The following PTPRT variants were observed in gnomAD, a reference collection of about 807,000 sequenced individuals.
PTPRT encodes receptor-type tyrosine-protein phosphatase T.
Under a neutral mutation model 176.8 loss-of-function variants are expected in PTPRT, and 56 were observed. The observed-to-expected ratio is 0.32, with a 90% confidence interval of 0.26 to 0.40. PTPRT has a LOEUF of 0.40. Among genes scored for constraint, PTPRT ranks in the 10% least tolerant of loss-of-function variants. The pLI, the probability that PTPRT is intolerant of heterozygous loss-of-function variation, is 1.00. For synonymous variants in PTPRT, 783 were observed against 739.0 expected (o/e 1.06, Z -0.96); for missense variants, 1,540 against 1,908.2 (o/e 0.81, Z 3.60).
intron 11 of PTPRT, among the ~76,000 whole-genome samples, chr20:42,347,903 T>C (rs545552097): frequency 2.9e-4 from 44 of 152,338 alleles, no homozygotes; most frequent in Non-Finnish European, 5.7e-4. Context: ...TTTCATGATT[T>C]TGTTTGTTTG....
intron 2 of PTPRT, among the ~76,000 whole-genome samples, chr20:42,800,921 T>G (rs1415047782): frequency 1.3e-5 from 2 of 152,096 alleles, no homozygotes; most frequent in Non-Finnish European, 2.9e-5. Flanking sequence ...GGCTTTTATC[T>G]CCCTTACCAC....
chr20:42,713,628 T>C (rs572972475), intron 6 of PTPRT, among the ~76,000 whole-genome samples: 55 of 152,354 alleles, frequency 3.6e-4, no homozygotes, highest in Middle Eastern at 3.4e-3. Context: ...AGACATGTGA[T>C]ACAGTTTGGA....
chr20:42,066,288 C>T, the PTPRT span, among the ~76,000 whole-genome samples: 4 of 151,988 alleles, frequency 2.6e-5, no homozygotes, highest in South Asian at 2.1e-4. Context: ...GTGATCTGCC[C>T]GCCTCAGCCT....
At chr20:43,007,764 G>C (rs1001307762) in intron 1 of PTPRT, among the ~76,000 whole-genome samples, 3 of 152,184 alleles carry the variant, frequency 2.0e-5, no homozygotes, top group African/African-American at 7.2e-5. Flanking sequence ...CCCTGGCCCA[G>C]TTTGAAAAGT....
At chr20:43,085,928 T>G (rs2146297020) in intron 1 of PTPRT, among the ~76,000 whole-genome samples, 1 of 152,168 alleles carries the variant, frequency 6.6e-6, no homozygotes, top group Middle Eastern at 3.4e-3. Context: ...GAAGGGCTTG[T>G]AGGAGTTTGG....
At chr20:42,177,835 C>A (rs1990355864) in intron 16 of PTPRT, among the ~76,000 whole-genome samples, 1 of 151,954 alleles carries the variant, frequency 6.6e-6, no homozygotes, top group South Asian at 2.1e-4. Flanking sequence ...GTCTGTCTCC[C>A]TCCTTCTCTT....
chr20:42,361,673 G>A (rs1387982430), intron 9 of PTPRT, among the ~76,000 whole-genome samples: 1 of 152,134 alleles, frequency 6.6e-6, no homozygotes, highest in Non-Finnish European at 1.5e-5. Flanking sequence ...CCAGTCATCT[G>A]GGCAACAGAC....
intron 16 of PTPRT, among the ~76,000 whole-genome samples, chr20:42,195,027 G>T (rs1991152344): frequency 6.6e-6 from 1 of 152,092 alleles, no homozygotes; most frequent in Admixed American, 6.5e-5. Context: ...ATGGGGGAGG[G>T]ATAGCATTTG....
At chr20:42,107,701 CAAG>C (rs1218396240) in intron 23 of PTPRT, among the ~76,000 whole-genome samples, 1 of 152,232 alleles carries the variant, frequency 6.6e-6, no homozygotes, top group Non-Finnish European at 1.5e-5. Context: ...GGCAGCCTGT[CAAG>C]GAGGCCCCCT....
At chr20:42,676,995 G>T (rs2075516063) in intron 7 of PTPRT, among the ~76,000 whole-genome samples, 1 of 152,154 alleles carries the variant, frequency 6.6e-6, no homozygotes, top group Admixed American at 6.5e-5. Context: ...ATATCAGAGA[G>T]ACAGGTGTAG....
the PTPRT span, among the ~76,000 whole-genome samples, chr20:42,066,982 G>C: frequency 6.6e-6 from 1 of 152,066 alleles, no homozygotes; most frequent in Non-Finnish European, 1.5e-5. Context: ...GCAGAGACCT[G>C]ATTTCACAGG....
intron 1 of PTPRT, among the ~76,000 whole-genome samples, chr20:43,129,062 CTTG>C (rs2013554437): frequency 6.6e-6 from 1 of 152,188 alleles, no homozygotes. Flanking sequence ...TGCTTGTTTT[CTTG>C]TTGTATTCAC....
At chr20:42,335,056 G>C (rs1293158283) in intron 11 of PTPRT, among the ~76,000 whole-genome samples, 1 of 152,322 alleles carries the variant, frequency 6.6e-6, no homozygotes, top group East Asian at 1.9e-4. Flanking sequence ...GGTACCACAT[G>C]TGATGAGATA....
At chr20:42,282,112 A>G (rs2057149384) in intron 13 of PTPRT, among the ~76,000 whole-genome samples, 1 of 152,298 alleles carries the variant, frequency 6.6e-6, no homozygotes, top group African/African-American at 2.4e-5. Context: ...AGAACTCAGT[A>G]GATGGGTCTA....
At chr20:42,540,746 G>A (rs926076853) in intron 7 of PTPRT, among the ~76,000 whole-genome samples, 2 of 152,056 alleles carry the variant, frequency 1.3e-5, no homozygotes, top group African/African-American at 2.4e-5. Context: ...GTGCAGGAAG[G>A]GAAAATAATC....
chr20:42,862,736 C>G (rs1229952592), intron 2 of PTPRT, among the ~76,000 whole-genome samples: 1 of 152,122 alleles, frequency 6.6e-6, no homozygotes, highest in Non-Finnish European at 1.5e-5. Flanking sequence ...TTATTTTTCT[C>G]GTCAAGACTG....
intron 9 of PTPRT, among the ~76,000 whole-genome samples, chr20:42,378,401 T>G (rs958676909): frequency 6.6e-6 from 1 of 152,232 alleles, no homozygotes; most frequent in Non-Finnish European, 1.5e-5. Flanking sequence ...CAAAGATGCT[T>G]TCCAGTTCCT....
intron 17 of PTPRT, among the ~76,000 whole-genome samples, chr20:42,144,113 T>C (rs1988757251): frequency 6.6e-6 from 1 of 152,002 alleles, no homozygotes; most frequent in South Asian, 2.1e-4. Flanking sequence ...GTAGAGTGGA[T>C]GTGTGCAGGG....
chr20:43,180,834 T>C (rs2015240132), intron 1 of PTPRT, among the ~76,000 whole-genome samples: 1 of 152,178 alleles, frequency 6.6e-6, no homozygotes, highest in Non-Finnish European at 1.5e-5. Flanking sequence ...ATATATAGCC[T>C]ATTGGTTCTG....
Sources: gnomAD v4.1 joint callset for allele counts (sites outside exome capture counted in the v4.1 genomes callset) on GRCh38, gnomAD v4.1.1 for gene constraint, MANE v1.5 for transcripts, NCBI Gene and HGNC (gene_info 2026-07-23, HGNC 2026-07-21) for gene names.